Variants in NECTIN1 observed in about 807,000 individuals in gnomAD.
NECTIN1 encodes the protein nectin-1.
In NECTIN1, 23 loss-of-function variants were observed where a neutral mutation model predicts 48.0. The observed-to-expected ratio is 0.48, with a 90% confidence interval of 0.34 to 0.68. The LOEUF (loss-of-function observed/expected upper bound fraction) is 0.68, where lower values mean the gene tolerates loss of function less well. NECTIN1 is among the 30% of genes least tolerant of loss of function. The pLI is 0.01. For missense variants in NECTIN1, 591 were observed against 709.9 expected (o/e 0.83, Z 1.90); for synonymous variants, 270 against 288.9 (o/e 0.93, Z 0.66).
At chr11:119,657,412 G>A (rs973909210), downstream of NECTIN1, among the ~76,000 whole-genome samples, 1 of 152,030 alleles carries the variant, frequency 6.6e-6, no homozygotes, top group Non-Finnish European at 1.5e-5. Context: ...TCAGGAGGTC[G>A]AGATCATCCT....
chr11:119,652,193 A>G (rs1405184940), intron 5 of NECTIN1, among the ~76,000 whole-genome samples: 1 of 152,162 alleles, frequency 6.6e-6, no homozygotes, highest in Non-Finnish European at 1.5e-5. Flanking sequence ...CTTCGGGTCA[A>G]TTGTGGGGAC....
In NECTIN1 at chr11:119,677,087, C is replaced by T. The variant is rs746514243; in HGVS notation, c.851+15G>A. 19 of 1,609,590 alleles carry T rather than the reference C, an allele frequency of 1.2e-5. No individual in the cohort carries two copies. The highest frequency in any genetic ancestry group is 1.4e-5 in the Non-Finnish European group (17 of 1,176,054). The stretch of plus-strand genomic sequence containing the variant: ...GCTGTCTTCCAAGGTGACTGGTCAG[C>T]CCTGCAGCACTTACGTGGTCCAGTG... On this transcript the variant is annotated intron_variant, in intron 4 of 5. Transcript: ENST00000264025. This position sits in a 1 kb window ranked among gnomAD's most constrained non-coding sequence, Gnocchi z 5.4.
At chr11:119,715,251 C>T (rs1565402607) in intron 1 of NECTIN1, among the ~76,000 whole-genome samples, 1 of 152,234 alleles carries the variant, frequency 6.6e-6, no homozygotes, top group Non-Finnish European at 1.5e-5. Flanking sequence ...ATCCTCTCCA[C>T]CTTCCCCTGC....
At chr11:119,649,177 G>A (rs1864454761) in intron 5 of NECTIN1, among the ~76,000 whole-genome samples, 1 of 152,180 alleles carries the variant, frequency 6.6e-6, no homozygotes, top group South Asian at 2.1e-4. Flanking sequence ...TCAAGAGATC[G>A]AGACTATCCT....
At chr11:119,679,194 T>C (rs1274168750) in intron 1 of NECTIN1, among the ~76,000 whole-genome samples, 1 of 152,238 alleles carries the variant, frequency 6.6e-6, no homozygotes, top group Admixed American at 6.5e-5. Context: ...CTAGGAGCCA[T>C]GCACTGGCTG....
chr11:119,660,717 T>C (rs1240773045), downstream of NECTIN1, among the ~76,000 whole-genome samples: 1 of 152,134 alleles, frequency 6.6e-6, no homozygotes, highest in Non-Finnish European at 1.5e-5. Flanking sequence ...CAGGCCTTAC[T>C]TTCTTAAAGG....
intron 1 of NECTIN1, among the ~76,000 whole-genome samples, chr11:119,713,232 A>G (rs973602671): frequency 7.9e-5 from 12 of 152,066 alleles, no homozygotes; most frequent in African/African-American, 2.9e-4. Flanking sequence ...GCAGAGGCCT[A>G]TGGAGGGCTG....
At chr11:119,693,442 G>T (rs992180265) in intron 1 of NECTIN1, among the ~76,000 whole-genome samples, 1 of 152,256 alleles carries the variant, frequency 6.6e-6, no homozygotes, top group African/African-American at 2.4e-5. Context: ...TACCCCGAGT[G>T]GGGAGTCCCC....
Position 119,674,876 on chromosome 11 carries a change from T to C in NECTIN1, c.1003+283A>G, listed in dbSNP as rs896138576. On this transcript the variant is annotated intron_variant, in intron 5 of 5. Coordinates refer to ENST00000264025, the MANE Select transcript of NECTIN1 (RefSeq NM_002855.5). ...CTGGCAGATCTACGGGCAGGTTCTA[T>C]TGGCCCCCAAAACAGCATTGCTGTA... Among the ~76,000 whole-genome samples, 54 of 152,202 alleles carry C rather than the reference T, an allele frequency of 3.5e-4. 1 individual carries two copies. The highest frequency in any genetic ancestry group is 1.3e-4 in the Admixed American group (2 of 15,282).
intron 1 of NECTIN1, among the ~76,000 whole-genome samples, chr11:119,693,660 G>A (rs897933228): frequency 6.6e-6 from 1 of 152,300 alleles, no homozygotes; most frequent in Non-Finnish European, 1.5e-5. Flanking sequence ...TTGGGGCACT[G>A]GGGTCCTGGG....
intron 1 of NECTIN1, chr11:119,713,970 A>G: frequency 2.3e-6 from 1 of 425,568 alleles, no homozygotes. Flanking sequence ...CTTTGGGGGC[A>G]AGGGATGCTG....
intron 1 of NECTIN1, among the ~76,000 whole-genome samples, chr11:119,722,613 C>T (rs1851360249): frequency 6.6e-6 from 1 of 152,254 alleles, no homozygotes; most frequent in Non-Finnish European, 1.5e-5. Context: ...CACCCAGCAC[C>T]TGCTGCCTAG....
At chr11:119,697,289 T>C (rs549144126) in intron 1 of NECTIN1, among the ~76,000 whole-genome samples, 114 of 11,266 alleles carry the variant, frequency 0.01, 1 homozygote, top group East Asian at 0.041. Context: ...TAAAAAAATA[T>C]GCATTTTATT....
intron 1 of NECTIN1, among the ~76,000 whole-genome samples, chr11:119,703,986 G>T (rs575250452): frequency 3.7e-4 from 56 of 152,216 alleles, no homozygotes; most frequent in African/African-American, 1.3e-3. Context: ...CGGAGTACGT[G>T]TTAGTGTGCC....
At position 119,664,700 on chromosome 11, in the gene NECTIN1, G is replaced by GGGGGGGGGGGGGGT; in HGVS notation, c.*46_*47insACCCCCCCCCCCCC. The GGGGGGGGGGGGGGT allele has an allele frequency of 6.9e-7, 1 of 1,451,828 alleles. No individual in the cohort carries two copies. The highest frequency in any genetic ancestry group is 9.4e-7 in the Non-Finnish European group (1 of 1,066,292). The allele number at this position is 1,451,828 out of a possible 1,614,324, so 89.9% of individuals were successfully genotyped here. On this transcript the variant is annotated 3_prime_UTR_variant, in exon 6 of 6. Coordinates refer to ENST00000264025, the MANE Select transcript of NECTIN1 (RefSeq NM_002855.5). ...GGGGGGTGGGCAGGGGGCGTGCGGGGAGGGGCTGGGGAGGAGCGGTCACAG... is the reference window on the plus strand; with the variant it reads ...GGGGGGTGGGCAGGGGGCGTGCGGGGGGGGGGGGGGGGGTAGGGGCTGGGGAGGAGCGGTCACAG...
At chr11:119,716,872 A>G (rs981269599) in intron 1 of NECTIN1, among the ~76,000 whole-genome samples, 5 of 152,120 alleles carry the variant, frequency 3.3e-5, no homozygotes, top group Admixed American at 1.3e-4. Context: ...GCACGCACGC[A>G]CACACACACA....
At chr11:119,660,140 TATCA>T (rs1322244330), downstream of NECTIN1, among the ~76,000 whole-genome samples, 2 of 152,308 alleles carry the variant, frequency 1.3e-5, no homozygotes, top group Middle Eastern at 3.4e-3. Context: ...ATCTTGGCTC[TATCA>T]TTTTACCCCC....
rs754450195 is a variant in NECTIN1, at chr11:119,709,373, G to A, written c.79+19102C>T. Among the ~76,000 whole-genome samples, 1 of 152,084 alleles carries A rather than the reference G, an allele frequency of 6.6e-6. No individual in the cohort carries two copies. The highest frequency in any genetic ancestry group is 1.5e-5 in the Non-Finnish European group (1 of 67,998). On this transcript the variant is annotated intron_variant, in intron 1 of 5. Coordinates refer to ENST00000264025, the MANE Select transcript of NECTIN1 (RefSeq NM_002855.5). The surrounding 1 kb of genome is among the most constrained non-coding windows in gnomAD (Gnocchi z 4.1). ...GGCCCAGGGCGCCTCTGTCTGCCACGCACTTGCCTGGGCCACTCTGCTACC... is the reference window on the plus strand; with the variant it reads ...GGCCCAGGGCGCCTCTGTCTGCCACACACTTGCCTGGGCCACTCTGCTACC...
Position 119,724,580 on chromosome 11 carries a change from C to T in NECTIN1, c.79+3895G>A, listed in dbSNP as rs148585962. Among the ~76,000 whole-genome samples the T allele has an allele frequency of 2.6e-3, 391 of 152,318 alleles. 4 individuals carry two copies. The highest frequency in any genetic ancestry group is 8.7e-3 in the African/African-American group (360 of 41,550). ...CCGACACTCTGACACATAAAATAGG[C>T]ATTCTCAAGTCTGGACCACTCACAG... On this transcript the variant is annotated intron_variant, in intron 1 of 5. Transcript: ENST00000264025.
Sources: allele counts gnomAD v4.1 joint callset (sites outside exome capture counted in the v4.1 genomes callset), GRCh38; gene constraint gnomAD v4.1.1; non-coding constraint Gnocchi (gnomAD v3.1); transcripts MANE v1.5; gene names NCBI Gene and HGNC (gene_info 2026-07-23, HGNC 2026-07-21).